The following CNOT3 variants were observed in gnomAD, a reference collection of about 807,000 sequenced individuals.
CNOT3 encodes the protein CCR4-associated factor 3.
A neutral mutation model predicts 89.4 loss-of-function variants in CNOT3; 2 were observed. That is an observed-to-expected ratio of 0.02 (90% confidence interval 0.01 to 0.07). CNOT3 has a LOEUF of 0.07. Among genes scored for constraint, CNOT3 ranks in the 10% least tolerant of loss-of-function variants. CNOT3 has a pLI of 1.00. For synonymous variants in CNOT3, 486 were observed against 402.0 expected (o/e 1.21, Z -2.50); for missense variants, 664 against 1,010.2 (o/e 0.66, Z 4.65).
intron 10 of CNOT3, among the ~76,000 whole-genome samples, chr19:54,147,110 A>G (rs2074717210): frequency 1.3e-5 from 2 of 152,210 alleles, no homozygotes; most frequent in Non-Finnish European, 2.9e-5. Context: ...GAGTCCAATA[A>G]GCCTAGGAAG....
At position 54,145,481 on chromosome 19, in the gene CNOT3, G is replaced by A. The variant is rs879970570; in HGVS notation, c.484-117G>A. 58 of 700,204 alleles carry A rather than the reference G, an allele frequency of 8.3e-5. No individual in the cohort carries two copies. The Middle Eastern group carries it at 1.3e-3, about 16-fold the overall frequency. 43.4% of individuals were successfully genotyped at this position (700,204 alleles called of 1,614,324 possible). Reference sequence around the variant, plus strand: ...CATACTGCCCCACCCCGAAGGGGATGGCGTGGAGGCTTTGGGTCTCCACAG... The same window carrying A: ...CATACTGCCCCACCCCGAAGGGGATAGCGTGGAGGCTTTGGGTCTCCACAG... On this transcript the variant is annotated intron_variant, in intron 7 of 17. Transcript: ENST00000221232. The surrounding 1 kb of genome is among the most constrained non-coding windows in gnomAD (Gnocchi z 5.9).
At position 54,154,131 on chromosome 19, in the gene CNOT3, C is replaced by T. The variant is rs549670708; in HGVS notation, c.2163+291C>T. ...AGTGCCTCCCCTTTGCAGTGCTGGG[C>T]ACACTCGCCTGGGGTGTGGGATTTT... is the stretch of plus-strand genomic sequence containing the variant. On this transcript the variant is annotated intron_variant, in intron 17 of 17. Coordinates refer to ENST00000221232, the MANE Select transcript of CNOT3 (RefSeq NM_014516.4). 21 of 647,578 alleles carry T rather than the reference C, an allele frequency of 3.2e-5. No homozygotes were observed. In the African/African-American group the frequency reaches 3.4e-4, roughly 10 times the overall value. The allele number at this position is 647,578 out of a possible 1,614,324, so 40.1% of individuals were successfully genotyped here. A position where few individuals can be genotyped will look rare whatever the true frequency, so the allele number is the denominator to read the frequency against.
intron 10 of CNOT3, among the ~76,000 whole-genome samples, chr19:54,146,909 T>C (rs2074704706): frequency 6.6e-6 from 1 of 152,180 alleles, no homozygotes; most frequent in Non-Finnish European, 1.5e-5. Context: ...TGCCCTGGGC[T>C]TCACAGTCAG....
chr19:54,144,517 G>A lies in CNOT3; in HGVS notation c.483+185G>A, dbSNP rs113168304. Among the ~76,000 whole-genome samples the A allele has an allele frequency of 3.2e-3, 490 of 152,340 alleles. 4 individuals are homozygous for A. The highest frequency in any genetic ancestry group is 0.011 in the African/African-American group (473 of 41,570). ...AGGGCTTAGCAGCTGCACGCGTGGG[G>A]CAGGAAGGAGGTCAGACAGAATCTC... On this transcript the variant is annotated intron_variant, in intron 7 of 17. Transcript: ENST00000221232. This position sits in a 1 kb window ranked among gnomAD's most constrained non-coding sequence, Gnocchi z 4.8.
At position 54,137,988 on chromosome 19, in the gene CNOT3, C is replaced by G. The variant is rs587758186; in HGVS notation, c.-56C>G. 6.6e-6 allele frequency: 1 copy of G among 152,156 alleles called. No individual in the cohort carries two copies. The highest frequency in any genetic ancestry group is 1.5e-5 in the Non-Finnish European group (1 of 67,998). 9.4% of individuals were successfully genotyped at this position (152,156 alleles called of 1,614,324 possible). On this transcript the variant is annotated 5_prime_UTR_variant, in exon 1 of 18. Coordinates refer to ENST00000221232, the MANE Select transcript of CNOT3 (RefSeq NM_014516.4). ...ACGCTCCTCAGCGGCGGCGCCAGCTCCTGTGGTGAGAGCGTCAGGCTCGAC... is the reference window on the plus strand; with the variant it reads ...ACGCTCCTCAGCGGCGGCGCCAGCTGCTGTGGTGAGAGCGTCAGGCTCGAC...
In CNOT3 at chr19:54,145,634, G is replaced by A. The variant is rs1238165628; in HGVS notation, c.520G>A (p.Glu174Lys). 6.2e-7 allele frequency: 1 copy of A among 1,613,884 alleles called. No homozygotes were observed. The stretch of plus-strand genomic sequence containing the variant: ...GATTGAGGGCTTGAAGCGGCACATC[G>A]AGAAGCACCGCTACCACGTGCGCAT... ...DRIEGLKRHI[E>K]KHRYHVRMLE... is the part of the protein sequence containing the mutation. The change falls in exon 8 of 18, where the codon GAG becomes AAG. Residue 174 changes from glutamate (E) to lysine (K), a missense_variant. Physicochemically the swap from Glu to Lys is moderately conservative, Grantham distance 56. Coordinates refer to ENST00000221232, the MANE Select transcript of CNOT3 (RefSeq NM_014516.4). The surrounding 1 kb of genome is among the most constrained non-coding windows in gnomAD (Gnocchi z 5.9).
chr19:54,146,004 C>T lies in CNOT3; in HGVS notation c.798C>T (p.Ser266=), dbSNP rs2074652603. ...QSSSTPTSTT[S]SSPIPPSPAN... is the part of the protein sequence containing the mutation. ...GCAGCACGCCCACCTCAACCACCTC[C>T]AGCTCTCCCATCCCGCCCAGCCCAG... Residue 266 remains serine (S), a synonymous_variant, in exon 9 of 18, where the codon TCC becomes TCT. Coordinates refer to ENST00000221232, the MANE Select transcript of CNOT3 (RefSeq NM_014516.4). The T allele has an allele frequency of 6.2e-7, 1 of 1,613,428 alleles. No individual in the cohort carries two copies. The highest frequency in any genetic ancestry group is 8.5e-7 in the Non-Finnish European group (1 of 1,179,466).
rs751875612 is a variant in CNOT3, at chr19:54,149,802, G to C, written c.1605+44G>C. The C allele has an allele frequency of 3.3e-6, 5 of 1,529,646 alleles. No individual in the cohort carries two copies. The African/African-American group carries it at 4.2e-5, about 13-fold the overall frequency. The allele number at this position is 1,529,646 out of a possible 1,614,324, so 94.8% of individuals were successfully genotyped here. ...CCCCGAGCCTCTGTGTCCTGACTCT[G>C]TTGTTTCTTTCCTCCAGGTCTCTAG... On this transcript the variant is annotated intron_variant, in intron 13 of 17. Coordinates refer to ENST00000221232, the MANE Select transcript of CNOT3 (RefSeq NM_014516.4).
intron 15 of CNOT3, 68 bp from the exon 16 acceptor site, chr19:54,152,799 C>CT: frequency 2.3e-6 from 2 of 876,740 alleles, no homozygotes; most frequent in Non-Finnish European, 3.7e-6. Flanking sequence ...GGATGCATGT[C>CT]TGAGCACCCT....
intron 13 of CNOT3, 32 bp from the exon 14 acceptor site, chr19:54,152,194 T>A: frequency 6.2e-7 from 1 of 1,610,982 alleles, no homozygotes; most frequent in Non-Finnish European, 8.5e-7. Flanking sequence ...GCAGCCCAAG[T>A]GCTCAGGCCA....
intron 5 of CNOT3, 42 bp from the exon 6 acceptor site, chr19:54,143,964 T>C: frequency 1.3e-6 from 2 of 1,582,586 alleles, no homozygotes; most frequent in Non-Finnish European, 8.5e-7. Context: ...TCAGCTCCTT[T>C]CCCACCTTTG....
chr19:54,153,931 C>G lies in CNOT3; in HGVS notation c.2163+91C>G, dbSNP rs1169689474. On this transcript the variant is annotated intron_variant, in intron 17 of 17. Transcript: ENST00000221232. ...CCCCTGCTGGCCTCTGCTCCCTTGCCTCCACCTTTCAGCTGGCGCAGTCCC... is the reference window on the plus strand; with the variant it reads ...CCCCTGCTGGCCTCTGCTCCCTTGCGTCCACCTTTCAGCTGGCGCAGTCCC... 6 of 1,536,328 alleles carry G rather than the reference C, an allele frequency of 3.9e-6. No individual in the cohort carries two copies. The African/African-American group carries it at 4.1e-5, about 10-fold the overall frequency.
chr19:54,153,148 C>G (rs549147636), intron 16 of CNOT3, 149 bp downstream of exon 16: 3 of 771,552 alleles, frequency 3.9e-6, no homozygotes, highest in Non-Finnish European at 7.1e-6. Flanking sequence ...GGCCCCTGCC[C>G]CAAATCCACC....
At chr19:54,149,275 G>A (rs587737285) in intron 12 of CNOT3, among the ~76,000 whole-genome samples, 2 of 152,258 alleles carry the variant, frequency 1.3e-5, no homozygotes, top group South Asian at 4.1e-4. Flanking sequence ...GTGAACACCT[G>A]CCCAGGGCAA....
In CNOT3 at chr19:54,144,147, A is replaced by G. The variant is rs1385274529; in HGVS notation, c.387+13A>G. The stretch of plus-strand genomic sequence containing the variant: ...CCAGTGGCTCACGGTGAGTTGGGGT[A>G]GAGAAGAGGAGGTGAACTCTGAGGA... On this transcript the variant is annotated intron_variant, in intron 6 of 17. Transcript: ENST00000221232. The surrounding 1 kb of genome is among the most constrained non-coding windows in gnomAD (Gnocchi z 4.8). The G allele has an allele frequency of 6.2e-7, 1 of 1,607,738 alleles. No homozygotes were observed. Among genetic ancestry groups the G allele is most frequent in the Non-Finnish European group, 8.5e-7 (1 of 1,176,324 alleles).
intron 5 of CNOT3, 24 bp downstream of exon 5, chr19:54,143,773 C>T (rs760299591): frequency 3.6e-5 from 58 of 1,607,792 alleles, no homozygotes; most frequent in Non-Finnish European, 4.5e-5. Flanking sequence ...GCCTGAGTCC[C>T]AGAGAGGTGG....
At chr19:54,143,540 G>A (rs760188669) in intron 4 of CNOT3, 24 bp downstream of exon 4, 9 of 1,612,254 alleles carry the variant, frequency 5.6e-6, no homozygotes, top group Admixed American at 1.7e-5. Context: ...GGGCCTGGAC[G>A]CCTTTGTCCT....
At position 54,149,682 on chromosome 19, in the gene CNOT3, C is replaced by T. The variant is rs1200032444; in HGVS notation, c.1529C>T (p.Pro510Leu). Residue 510 changes from proline to leucine, a missense_variant, in exon 13 of 18, where the codon CCC (proline) becomes CTC (leucine). Physicochemically the swap from Pro to Leu is moderately conservative, Grantham distance 98. This residue lies in a region of CNOT3 where 545 missense variants were observed against 566.2 expected (regional missense o/e 0.96). Transcript: ENST00000221232. ...LPVNPPSSPT[P>L]SFSDAKAAGA... ...GTGAATCCTCCCAGCTCCCCAACGC[C>T]CAGCTTCAGTGATGCCAAGGCAGCC... 1 of 1,614,118 alleles carries T rather than the reference C, an allele frequency of 6.2e-7. No individual in the cohort carries two copies.
Position 54,148,823 on chromosome 19 carries a change from G to C in CNOT3, c.1406+80G>C. 9.7e-6 allele frequency: 14 copies of C among 1,444,926 alleles called. No homozygotes were observed. The highest frequency in any genetic ancestry group is 1.3e-5 in the Non-Finnish European group (14 of 1,063,366). The allele number at this position is 1,444,926 out of a possible 1,614,324, so 89.5% of individuals were successfully genotyped here. A position where few individuals can be genotyped will look rare whatever the true frequency, so the allele number is the denominator to read the frequency against. On this transcript the variant is annotated intron_variant, in intron 12 of 17. Transcript: ENST00000221232. The surrounding 1 kb of genome is among the most constrained non-coding windows in gnomAD (Gnocchi z 6.3). The stretch of plus-strand genomic sequence containing the variant: ...GCGCAGGCGCCTCACCCCCGCATCG[G>C]TGGGTTCTGAACCCCCCGCCCTTGC...
Sources: gnomAD v4.1 joint callset for allele counts (sites outside exome capture counted in the v4.1 genomes callset) on GRCh38, gnomAD v4.1.1 for gene constraint, gnomAD v4.1.1 regional missense constraint, Gnocchi (gnomAD v3.1) non-coding constraint, MANE v1.5 for transcripts, NCBI Gene and HGNC (gene_info 2026-07-23, HGNC 2026-07-21) for gene names.